The following ABCC9 variants were observed in gnomAD, a reference collection of about 807,000 sequenced individuals.
ABCC9 encodes the protein ATP binding cassette subfamily C member 9, also known as ATP-binding cassette sub-family C member 9.
ABCC9 carries 95 observed loss-of-function variants against 188.3 expected under a neutral mutation model. The observed-to-expected ratio is 0.50, with a 90% CI of 0.43 to 0.60. ABCC9 has a LOEUF of 0.60. Ranked by LOEUF, ABCC9 falls within the 20% of genes least tolerant of loss-of-function variation. ABCC9 has a pLI of 0.00. For missense variants in ABCC9, 1,102 were observed against 1,876.3 expected, an observed-to-expected ratio of 0.59 and a Z score of 7.62; for synonymous variants, 659 against 652.7, an observed-to-expected ratio of 1.01 and a Z score of -0.15.
chr12:21,918,757 T>G (rs1207954402), intron 5 of ABCC9, among the ~76,000 whole-genome samples: 1 of 152,178 alleles, frequency 6.6e-6, no homozygotes, highest in African/African-American at 2.4e-5. Flanking sequence ...ACTCTACTGA[T>G]TGGAGACCTT....
chr12:21,874,657 G>A (rs1449535828), intron 17 of ABCC9, among the ~76,000 whole-genome samples: 2 of 152,084 alleles, frequency 1.3e-5, no homozygotes, highest in African/African-American at 4.8e-5. Context: ...GTATATATAT[G>A]CAATGGGATA....
At position 21,916,444 on chromosome 12, in the gene ABCC9, T is replaced by A. The variant is rs1189322361; in HGVS notation, c.573+493A>T. ...ACTGACAGTATTAAGTGGTGGAAAG[T>A]ACAATCAATATGCAATTACAAACCA... On this transcript the variant is annotated intron_variant, in intron 6 of 39. Transcript: ENST00000261200. 2.0e-5 allele frequency among the ~76,000 whole-genome samples: 3 copies of A among 152,188 alleles called. No homozygotes were observed. In the South Asian group the frequency reaches 6.2e-4, roughly 31 times the overall value.
At chr12:21,886,645 A>G (rs555142681) in intron 15 of ABCC9, among the ~76,000 whole-genome samples, 6 of 152,274 alleles carry the variant, frequency 3.9e-5, no homozygotes, top group African/African-American at 1.4e-4. Flanking sequence ...CCTACTTTGA[A>G]ACCTTCCAAT....
intron 34 of ABCC9, 80 bp downstream of exon 34, chr12:21,815,683 A>C: frequency 6.4e-7 from 1 of 1,556,196 alleles, no homozygotes; most frequent in Admixed American, 1.7e-5. Context: ...GCTGGGAAGT[A>C]TGAAGAGCTT....
intron 4 of ABCC9, among the ~76,000 whole-genome samples, chr12:21,926,289 C>T (rs769511940): frequency 6.6e-6 from 1 of 152,120 alleles, no homozygotes; most frequent in African/African-American, 2.4e-5. Context: ...CAAAACTATA[C>T]CTTAAAATGC....
At position 21,800,642 on chromosome 12, in the gene ABCC9, C is replaced by G. The variant is rs573526157; in HGVS notation, c.*402G>C. 1.0e-5 allele frequency: 2 copies of G among 190,560 alleles called. No individual in the cohort carries two copies. Among genetic ancestry groups the G allele is most frequent in the East Asian group, 2.7e-4 (2 of 7,310 alleles). 11.8% of individuals were successfully genotyped at this position (190,560 alleles called of 1,614,324 possible). On this transcript the variant is annotated 3_prime_UTR_variant, in exon 40 of 40. Coordinates refer to ENST00000261200, the MANE Select transcript of ABCC9 (RefSeq NM_020297.4). ...CCTTTTTTATTCCTTCCAATAACCT[C>G]TGGAGACTCCAACAATAAGGAAAAT... is the stretch of plus-strand genomic sequence containing the variant.
chr12:21,826,998 G>A (rs918995474), intron 31 of ABCC9: 1 of 393,572 alleles, frequency 2.5e-6, no homozygotes, highest in Admixed American at 6.4e-5. Flanking sequence ...GTAACCAAAT[G>A]AATGGCCTGT....
chr12:21,848,368 C>T (rs1212867556), intron 24 of ABCC9, 122 bp from the exon 25 acceptor site: 2 of 813,020 alleles, frequency 2.5e-6, no homozygotes, highest in Non-Finnish European at 4.1e-6. Flanking sequence ...TCTGTGCTCA[C>T]TCTGGAGATC....
intron 15 of ABCC9, among the ~76,000 whole-genome samples, chr12:21,885,953 CTGAT>C (rs1946856418): frequency 6.6e-6 from 1 of 151,998 alleles, no homozygotes; most frequent in Non-Finnish European, 1.5e-5. Context: ...AGTCAGGAGA[CTGAT>C]TGTGTTGGTT....
At chr12:21,910,003 A>G (rs1301685652) in intron 10 of ABCC9, among the ~76,000 whole-genome samples, 154 bp downstream of exon 10, 1 of 151,984 alleles carries the variant, frequency 6.6e-6, no homozygotes, top group Non-Finnish European at 1.5e-5. Context: ...AACCTATGCT[A>G]TAACATTTCT....
chr12:21,880,632 G>T (rs771381983), intron 16 of ABCC9, among the ~76,000 whole-genome samples: 2 of 152,000 alleles, frequency 1.3e-5, no homozygotes, highest in Non-Finnish European at 2.9e-5. Flanking sequence ...GACCTTATTT[G>T]TAATCAGAAA....
chr12:21,801,740 G>A (rs993710658), intron 39 of ABCC9, among the ~76,000 whole-genome samples: 3 of 152,102 alleles, frequency 2.0e-5, no homozygotes, highest in Admixed American at 6.6e-5. Flanking sequence ...TTCTTTCCAC[G>A]CGATGCCCTT....
intron 10 of ABCC9, among the ~76,000 whole-genome samples, 194 bp from the exon 11 acceptor site, chr12:21,908,405 C>G (rs780992704): frequency 3.3e-5 from 5 of 151,942 alleles, no homozygotes; most frequent in Non-Finnish European, 7.4e-5. Context: ...TTGGGTTTTA[C>G]TCTGATTTAT....
In ABCC9 at chr12:21,799,015, C is replaced by T. The variant is rs563629259; in HGVS notation, c.*2029G>A. 10 of 145,764 alleles carry T rather than the reference C, an allele frequency of 6.9e-5. No individual in the cohort carries two copies. In the South Asian group the frequency reaches 1.3e-3, roughly 19 times the overall value. The allele number at this position is 145,764 out of a possible 1,614,324, so 9.0% of individuals were successfully genotyped here. ...CGCAAGAACAAAAAACCAAACACCG[C>T]ATATTCTCACTCATAGGTGGGAATT... On this transcript the variant is annotated 3_prime_UTR_variant, in exon 40 of 40. Coordinates refer to ENST00000261200, the MANE Select transcript of ABCC9 (RefSeq NM_020297.4).
At chr12:21,865,507 A>G (rs951296361) in intron 18 of ABCC9, among the ~76,000 whole-genome samples, 6 of 152,154 alleles carry the variant, frequency 3.9e-5, no homozygotes, top group Admixed American at 2.6e-4. Flanking sequence ...ATAACAAGAA[A>G]TTTGGACTTT....
intron 12 of ABCC9, among the ~76,000 whole-genome samples, chr12:21,904,974 TCA>T: frequency 6.6e-6 from 1 of 151,818 alleles, no homozygotes; most frequent in South Asian, 2.1e-4. Context: ...AAAGACACAT[TCA>T]CACATGTGTT....
chr12:21,854,289 T>G (rs1945115426), intron 22 of ABCC9, among the ~76,000 whole-genome samples: 1 of 152,210 alleles, frequency 6.6e-6, no homozygotes, highest in Non-Finnish European at 1.5e-5. Context: ...TTCCATCTAT[T>G]TGTCTGCATA....
At chr12:21,813,254 A>G (rs2137156833) in intron 35 of ABCC9, among the ~76,000 whole-genome samples, 1 of 152,274 alleles carries the variant, frequency 6.6e-6, no homozygotes, top group Admixed American at 6.5e-5. Context: ...ATGGACTTAT[A>G]GAGGTTTGTG....
At chr12:21,810,167 C>A (rs542195338) in intron 36 of ABCC9, among the ~76,000 whole-genome samples, 1 of 152,256 alleles carries the variant, frequency 6.6e-6, no homozygotes, top group South Asian at 2.1e-4. Flanking sequence ...AAAAAATTGT[C>A]TTGATATCAT....
Sources: gnomAD v4.1 joint callset for allele counts (sites outside exome capture counted in the v4.1 genomes callset) on GRCh38, gnomAD v4.1.1 for gene constraint, MANE v1.5 for transcripts, NCBI Gene and HGNC (gene_info 2026-07-23, HGNC 2026-07-21) for gene names.